Variants in ANO5 observed in about 807,000 individuals in gnomAD.
The protein encoded by ANO5 is anoctamin 5, also known as anoctamin-5.
In ANO5, 109 loss-of-function variants were observed where a neutral mutation model predicts 121.0. The observed-to-expected ratio is 0.90, with a 90% CI of 0.77 to 1.06. The LOEUF (loss-of-function observed/expected upper bound fraction) is 1.06, where lower values mean the gene tolerates loss of function less well. Ranked by LOEUF, ANO5 falls within the 50% of genes least tolerant of loss-of-function variation. The pLI, the probability that ANO5 is intolerant of heterozygous loss-of-function variation, is 0.00. For synonymous variants in ANO5, 406 were observed against 359.9 expected (o/e 1.13, Z -1.45); for missense variants, 1,064 against 1,078.5 (o/e 0.99, Z 0.19).
At chr11:22,249,288 T>C (rs1853721729) in intron 9 of ANO5, among the ~76,000 whole-genome samples, 1 of 152,110 alleles carries the variant, frequency 6.6e-6, no homozygotes, top group Non-Finnish European at 1.5e-5. Context: ...AAAATGTTTA[T>C]AACCTTTATG....
intron 1 of ANO5, among the ~76,000 whole-genome samples, chr11:22,200,569 CT>C (rs1851936640): frequency 1.3e-5 from 2 of 151,966 alleles, no homozygotes; most frequent in African/African-American, 4.8e-5. Flanking sequence ...ATTTTTGTTT[CT>C]TTTTGTACTG....
At chr11:22,212,791 T>C (rs1852322144) in intron 3 of ANO5, among the ~76,000 whole-genome samples, 1 of 151,754 alleles carries the variant, frequency 6.6e-6, no homozygotes, top group South Asian at 2.1e-4. Context: ...ACTCTGTTCA[T>C]ATATCTTGTC....
intron 17 of ANO5, among the ~76,000 whole-genome samples, chr11:22,268,860 A>G (rs1201435616): frequency 1.3e-5 from 2 of 152,106 alleles, no homozygotes; most frequent in African/African-American, 4.8e-5. Context: ...GTGGAATAAA[A>G]TTTAAAAATT....
chr11:22,203,104 A>G (rs997060123), intron 1 of ANO5, among the ~76,000 whole-genome samples: 2 of 152,106 alleles, frequency 1.3e-5, no homozygotes, highest in African/African-American at 2.4e-5. Context: ...TTCTAAAATT[A>G]TGGTCACTAA....
chr11:22,201,913 G>C (rs1310678858), intron 1 of ANO5, among the ~76,000 whole-genome samples: 1 of 152,098 alleles, frequency 6.6e-6, no homozygotes, highest in Non-Finnish European at 1.5e-5. Context: ...CCATAGCAGA[G>C]AGCATTCCTT....
rs1554924008 is a variant in ANO5, at chr11:22,225,987, A to C, written c.298A>C (p.Arg100=). 6.2e-7 allele frequency: 1 copy of C among 1,605,634 alleles called. No individual in the cohort carries two copies. Among genetic ancestry groups the C allele is most frequent in the Non-Finnish European group, 8.5e-7 (1 of 1,173,038 alleles). Residue 100 remains arginine, a synonymous_variant, in exon 6 of 22, where the codon AGA becomes CGA. Transcript: ENST00000324559. The part of the protein sequence containing the change: ...VKKDAELKAE[R]RKEFETNLRK... ...TGTTGATTTTTTTTTGTCATAGGAA[A>C]GAAGAAAAGAGTTTGAAACTAATCT...
At position 22,274,562 on chromosome 11, in the gene ANO5, TCTTCAGGCC is replaced by T; in HGVS notation, c.2236-6_2238del. On this transcript the variant is annotated splice_acceptor_variant and splice_polypyrimidine_tract_variant and coding_sequence_variant and intron_variant, in exon 20 of 22. Coordinates refer to ENST00000324559, the MANE Select transcript of ANO5 (RefSeq NM_213599.3). LOFTEE classifies it high-confidence loss of function. ...ATGATCTTCCTCTTTTTTTTTTTAT[TCTTCAGGCC>T]TTTATTGTTGCATTTACGTCAGACA... 6.4e-7 allele frequency: 1 copy of T among 1,558,092 alleles called. No individual in the cohort carries two copies. The highest frequency in any genetic ancestry group is 8.7e-7 in the Non-Finnish European group (1 of 1,154,808).
chr11:22,206,401 C>T (rs918600743), intron 2 of ANO5, among the ~76,000 whole-genome samples: 4 of 152,034 alleles, frequency 2.6e-5, no homozygotes, highest in African/African-American at 9.7e-5. Context: ...ACTGCAACCT[C>T]CACCTCCCAG....
intron 5 of ANO5, among the ~76,000 whole-genome samples, chr11:22,222,288 G>T (rs996000875): frequency 2.6e-5 from 4 of 151,654 alleles, no homozygotes; most frequent in African/African-American, 9.7e-5. Context: ...TTTACCTCCT[G>T]GATCACTGTC....
At chr11:22,275,771 C>T (rs1015371288) in intron 20 of ANO5, among the ~76,000 whole-genome samples, 8 of 151,662 alleles carry the variant, frequency 5.3e-5, no homozygotes, top group Admixed American at 3.3e-4. Flanking sequence ...AAGGAAAGGA[C>T]TGGGAGTGTT....
At chr11:22,265,155 G>C (rs1380295946) in intron 17 of ANO5, among the ~76,000 whole-genome samples, 1 of 152,058 alleles carries the variant, frequency 6.6e-6, no homozygotes, top group Non-Finnish European at 1.5e-5. Context: ...TTCATACCCA[G>C]ATTCATTATG....
At chr11:22,227,162 A>T in intron 6 of ANO5, 140 bp from the exon 7 acceptor site, 1 of 1,141,928 alleles carries the variant, frequency 8.8e-7, no homozygotes, top group Non-Finnish European at 1.2e-6. Flanking sequence ...GTTTTCTCAA[A>T]GTTTTGCCTG....
At chr11:22,250,698 A>G (rs1853783895) in intron 10 of ANO5, 43 bp from the exon 11 acceptor site, 1 of 1,573,974 alleles carries the variant, frequency 6.4e-7, no homozygotes. Context: ...ACTTTTACCT[A>G]AACACCTATC....
intron 7 of ANO5, among the ~76,000 whole-genome samples, chr11:22,232,935 A>G (rs1183872935): frequency 6.6e-6 from 1 of 152,010 alleles, no homozygotes; most frequent in Non-Finnish European, 1.5e-5. Flanking sequence ...ATCATTTCAC[A>G]TTCTAGAAAA....
intron 2 of ANO5, among the ~76,000 whole-genome samples, chr11:22,205,061 T>G (rs1852072896): frequency 6.6e-6 from 1 of 152,116 alleles, no homozygotes. Flanking sequence ...TGGATGGAGT[T>G]GGAGGCCCAT....
At chr11:22,256,725 G>GT (rs975602443) in intron 13 of ANO5, among the ~76,000 whole-genome samples, 16 of 143,100 alleles carry the variant, frequency 1.1e-4, no homozygotes, top group African/African-American at 3.9e-4. Flanking sequence ...ATGAAACAGA[G>GT]TTTTTTTTTG....
intron 17 of ANO5, among the ~76,000 whole-genome samples, chr11:22,270,062 T>C (rs1212953644): frequency 5.3e-5 from 8 of 152,230 alleles, no homozygotes; most frequent in Non-Finnish European, 1.0e-4. Context: ...AGTAAATATA[T>C]TTCTCTGAGC....
intron 3 of ANO5, among the ~76,000 whole-genome samples, chr11:22,214,587 A>G (rs2133564286): frequency 6.6e-6 from 1 of 152,076 alleles, no homozygotes; most frequent in South Asian, 2.1e-4. Context: ...ACTTACTGGA[A>G]CCCAGAAGGA....
chr11:22,270,577 A>G (rs755078955), intron 18 of ANO5, 135 bp downstream of exon 18: 2 of 1,279,978 alleles, frequency 1.6e-6, no homozygotes, highest in Non-Finnish European at 2.2e-6. Context: ...AGATGAGTGG[A>G]GGGATATAAA....
Sources: allele counts gnomAD v4.1 joint callset (sites outside exome capture counted in the v4.1 genomes callset), GRCh38; gene constraint gnomAD v4.1.1; transcripts MANE v1.5; gene names NCBI Gene and HGNC (gene_info 2026-07-23, HGNC 2026-07-21).